The following TCF7L2 variants were observed in gnomAD, a reference collection of about 807,000 sequenced individuals.
The protein encoded by TCF7L2 is transcription factor 7-like 2.
Under a neutral mutation model 77.9 loss-of-function variants are expected in TCF7L2, and 23 were observed. That is an observed-to-expected ratio of 0.30 (90% CI 0.21 to 0.42). TCF7L2 has a LOEUF of 0.42. Among genes scored for constraint, TCF7L2 ranks in the 10% least tolerant of loss-of-function variants. The pLI is 1.00. For missense variants in TCF7L2, 654 were observed against 793.1 expected (o/e 0.82, Z 2.11); for synonymous variants, 413 against 340.2 (o/e 1.21, Z -2.36).
At chr10:112,965,236 G>A (rs2036461165) in intron 4 of TCF7L2, among the ~76,000 whole-genome samples, 1 of 152,202 alleles carries the variant, frequency 6.6e-6, no homozygotes, top group Non-Finnish European at 1.5e-5. Context: ...CCCAGCTTCT[G>A]ATGAGTGTCC....
chr10:113,122,738 C>T (rs1334302371), intron 5 of TCF7L2, among the ~76,000 whole-genome samples: 5 of 152,084 alleles, frequency 3.3e-5, no homozygotes, highest in African/African-American at 4.8e-5. Context: ...AGATTATTAG[C>T]GGAATTTCTA....
chr10:112,975,310 G>A (rs1055767837), intron 4 of TCF7L2, among the ~76,000 whole-genome samples: 2 of 152,136 alleles, frequency 1.3e-5, no homozygotes, highest in African/African-American at 4.8e-5. Flanking sequence ...ATTGAGGCTC[G>A]GTCTGGAAAC....
chr10:113,119,880 C>T lies in TCF7L2; in HGVS notation c.553-21304C>T, dbSNP rs145429014. The stretch of plus-strand genomic sequence containing the variant: ...CCAAGCGGTCTCTTTTTGAAGGCGC[C>T]GCACAAAATGTGGTCTCTACCAGCG... On this transcript the variant is annotated intron_variant, in intron 5 of 13. Coordinates refer to ENST00000627217, the MANE Select transcript of TCF7L2 (RefSeq NM_001146274.2). Among the ~76,000 whole-genome samples the T allele has an allele frequency of 3.2e-3, 485 of 152,222 alleles. 2 individuals carry two copies. The highest frequency in any genetic ancestry group is 0.011 in the African/African-American group (455 of 41,558).
chr10:113,023,133 T>C (rs975971357), intron 4 of TCF7L2, among the ~76,000 whole-genome samples: 1 of 152,134 alleles, frequency 6.6e-6, no homozygotes, highest in Non-Finnish European at 1.5e-5. Context: ...AAAGGCATAG[T>C]GTGAAGTGCC....
chr10:113,160,655 G>A lies in TCF7L2; in HGVS notation c.1355G>A (p.Gly452Glu), dbSNP rs2137464646. The change falls in exon 13 of 14, where the codon GGG becomes GAG. Residue 452 changes from glycine to glutamate, a missense_variant. By Grantham distance (98) the Gly-to-Glu change is moderately conservative. Around this residue, in one of 6 missense-constraint regions of TCF7L2, gnomAD observed 272 missense variants for 215.4 expected, o/e 1.26. Transcript: ENST00000627217. The stretch of plus-strand genomic sequence containing the variant: ...CCAAAGAAGTGTCGGGCACTGTTCG[G>A]GCTTGACCGACAGACTTTATGGTGC... 6.3e-7 allele frequency: 1 copy of A among 1,597,444 alleles called. No individual in the cohort carries two copies. The highest frequency in any genetic ancestry group is 8.5e-7 in the Non-Finnish European group (1 of 1,171,656).
At chr10:113,121,306 A>C (rs1324707577) in intron 5 of TCF7L2, among the ~76,000 whole-genome samples, 1 of 152,124 alleles carries the variant, frequency 6.6e-6, no homozygotes, top group Non-Finnish European at 1.5e-5. Flanking sequence ...TGAGGAGCAA[A>C]GCAGGTGGCT....
intron 5 of TCF7L2, among the ~76,000 whole-genome samples, chr10:113,049,390 C>A (rs77795162): frequency 1.3e-5 from 2 of 152,010 alleles, no homozygotes; most frequent in African/African-American, 4.8e-5. Context: ...TGGGTGGCAT[C>A]GTCGATTGCT....
Position 112,964,644 on chromosome 10 carries a change from C to G in TCF7L2, c.450+20C>G, listed in dbSNP as rs183037379. The G allele has an allele frequency of 1.2e-6, 2 of 1,608,140 alleles. No individual in the cohort carries two copies. The highest frequency in any genetic ancestry group is 1.7e-5 in the Admixed American group (1 of 59,958). On this transcript the variant is annotated intron_variant, in intron 4 of 13. Transcript: ENST00000627217. The stretch of plus-strand genomic sequence containing the variant: ...GTTCAGGTAGGAAACGCAAGAGATT[C>G]TGAAGCTTGAATTGTCTATATGTAG...
At chr10:112,973,482 C>T (rs532904042) in intron 4 of TCF7L2, among the ~76,000 whole-genome samples, 1 of 152,152 alleles carries the variant, frequency 6.6e-6, no homozygotes, top group Non-Finnish European at 1.5e-5. Context: ...GGCATCTGGT[C>T]TAGGGGATCC....
chr10:112,975,963 T>C (rs114204952), intron 4 of TCF7L2, among the ~76,000 whole-genome samples: 2,497 of 152,330 alleles, frequency 0.016, 52 homozygotes, highest in African/African-American at 0.041. Context: ...CATCCTACCA[T>C]TGATATTATA....
chr10:113,156,586 G>C (rs1388684252), intron 11 of TCF7L2, among the ~76,000 whole-genome samples: 1 of 152,204 alleles, frequency 6.6e-6, no homozygotes, highest in Non-Finnish European at 1.5e-5. Flanking sequence ...GGCTATGAGG[G>C]GAGGGAGAAC....
At chr10:112,964,810 G>C (rs574675077) in intron 4 of TCF7L2, among the ~76,000 whole-genome samples, 186 bp downstream of exon 4, 1 of 119,874 alleles carries the variant, frequency 8.3e-6, no homozygotes, top group African/African-American at 4.0e-5. Flanking sequence ...TGGTGGTGGT[G>C]GTGGGGGGGG....
chr10:113,073,762 T>G (rs1194956783), intron 5 of TCF7L2, among the ~76,000 whole-genome samples: 5 of 151,990 alleles, frequency 3.3e-5, no homozygotes, highest in Non-Finnish European at 2.9e-5. Flanking sequence ...CCGATCTCCT[T>G]TTTTATTTGC....
chr10:113,166,194 T>G lies in TCF7L2; in HGVS notation c.*222T>G, dbSNP rs1044275172. 7.5e-6 allele frequency: 3 copies of G among 401,814 alleles called. No individual in the cohort carries two copies. In the South Asian group the frequency reaches 3.9e-4, roughly 53 times the overall value. 24.9% of individuals were successfully genotyped at this position (401,814 alleles called of 1,614,324 possible). A position where few individuals can be genotyped will look rare whatever the true frequency, so the allele number is the denominator to read the frequency against. On this transcript the variant is annotated 3_prime_UTR_variant, in exon 14 of 14. Coordinates refer to ENST00000627217, the MANE Select transcript of TCF7L2 (RefSeq NM_001146274.2). ...AGATGAGAGAAGAACCTCATGATTC[T>G]ACCAAAATTTTTATCAACAGCTGTT...
chr10:113,134,084 T>G (rs1368943553), intron 5 of TCF7L2, among the ~76,000 whole-genome samples: 3 of 152,234 alleles, frequency 2.0e-5, no homozygotes. Context: ...CAGGCAGTGC[T>G]GTAGCTATCG....
chr10:112,986,505 G>T (rs1370296177), intron 4 of TCF7L2, among the ~76,000 whole-genome samples: 2 of 152,020 alleles, frequency 1.3e-5, no homozygotes, highest in Non-Finnish European at 2.9e-5. Flanking sequence ...TCTGACTAAG[G>T]GATTAGAGTC....
chr10:112,992,708 C>A (rs565081136), intron 4 of TCF7L2, among the ~76,000 whole-genome samples: 2 of 152,088 alleles, frequency 1.3e-5, no homozygotes, highest in East Asian at 3.9e-4. Flanking sequence ...AGGACTGGAC[C>A]TCCAAGCAGA....
chr10:113,129,451 A>G, intron 5 of TCF7L2: 1 of 1,011,002 alleles, frequency 9.9e-7, no homozygotes, highest in Non-Finnish European at 1.2e-6. Flanking sequence ...TCCTTCACGG[A>G]TTCTGTAGTG....
intron 5 of TCF7L2, among the ~76,000 whole-genome samples, chr10:113,043,393 A>G (rs1332066130): frequency 6.6e-6 from 1 of 152,252 alleles, no homozygotes; most frequent in East Asian, 1.9e-4. Flanking sequence ...TGATATTTAC[A>G]TTAAGAATAG....
Sources: allele counts gnomAD v4.1 joint callset (sites outside exome capture counted in the v4.1 genomes callset), GRCh38; gene constraint gnomAD v4.1.1; regional missense constraint gnomAD v4.1.1; transcripts MANE v1.5; gene names NCBI Gene and HGNC (gene_info 2026-07-23, HGNC 2026-07-21).